PTPRD: variants seen among roughly 807,000 people sequenced by gnomAD.
The protein encoded by PTPRD is protein tyrosine phosphatase receptor type D.
Under a neutral mutation model 214.5 loss-of-function variants are expected in PTPRD, and 34 were observed. The ratio of observed to expected loss-of-function variants is 0.16; its 90% CI spans 0.12 to 0.21. The LOEUF is 0.21. Ranked by LOEUF, PTPRD falls within the 10% of genes least tolerant of loss-of-function variation. The pLI, the probability that PTPRD is intolerant of heterozygous loss-of-function variation, is 1.00. For synonymous variants in PTPRD, 1,128 were observed against 845.7 expected, an observed-to-expected ratio of 1.33 and a Z score of -5.79; for missense variants, 2,545 against 2,398.7, an observed-to-expected ratio of 1.06 and a Z score of -1.27.
intron 27 of PTPRD, among the ~76,000 whole-genome samples, chr9:8,488,313 T>C (rs2097076611): frequency 6.6e-6 from 1 of 152,258 alleles, no homozygotes; most frequent in African/African-American, 2.4e-5. Flanking sequence ...TTGTTTCACA[T>C]GCTGGGAAGA....
intron 2 of PTPRD, among the ~76,000 whole-genome samples, chr9:10,602,753 C>T (rs1341067218): frequency 1.3e-5 from 2 of 151,836 alleles, no homozygotes; most frequent in Non-Finnish European, 2.9e-5. Flanking sequence ...TTTTCTGCTT[C>T]CTACTCATTT....
intron 11 of PTPRD, among the ~76,000 whole-genome samples, chr9:8,998,031 T>G (rs1303627578): frequency 3.3e-5 from 5 of 151,966 alleles, no homozygotes; most frequent in Non-Finnish European, 5.9e-5. Context: ...CTAGCAGAAG[T>G]TGGTTCATGA....
At chr9:8,948,849 A>T (rs1016158212) in intron 11 of PTPRD, among the ~76,000 whole-genome samples, 15 of 151,688 alleles carry the variant, frequency 9.9e-5, no homozygotes, top group Admixed American at 7.3e-4. Context: ...ATGTGATAGA[A>T]GTAATTTAGG....
intron 2 of PTPRD, among the ~76,000 whole-genome samples, chr9:10,364,204 C>T (rs903795868): frequency 6.6e-6 from 1 of 151,478 alleles, no homozygotes; most frequent in Admixed American, 6.6e-5. Flanking sequence ...GGTTTCACCG[C>T]GTTAGCCAGG....
intron 11 of PTPRD, among the ~76,000 whole-genome samples, chr9:8,896,771 G>T (rs2098616767): frequency 6.6e-6 from 1 of 152,138 alleles, no homozygotes; most frequent in African/African-American, 2.4e-5. Flanking sequence ...CAGTGCTAAA[G>T]CTTCCCACAG....
At chr9:9,600,730 A>G (rs1030456830) in intron 7 of PTPRD, among the ~76,000 whole-genome samples, 2 of 152,128 alleles carry the variant, frequency 1.3e-5, no homozygotes, top group Admixed American at 1.3e-4. Flanking sequence ...AATAACAATT[A>G]TAACAGAACC....
At chr9:9,840,188 C>T (rs771418340) in intron 5 of PTPRD, among the ~76,000 whole-genome samples, 1 of 152,034 alleles carries the variant, frequency 6.6e-6, no homozygotes, top group Non-Finnish European at 1.5e-5. Context: ...CAGGCACTCA[C>T]CACCACGCCC....
chr9:8,450,458 C>T (rs2095893723), intron 33 of PTPRD, among the ~76,000 whole-genome samples: 1 of 152,130 alleles, frequency 6.6e-6, no homozygotes, highest in African/African-American at 2.4e-5. Context: ...ACAGTGTTAG[C>T]TCTTAACAGT....
intron 9 of PTPRD, among the ~76,000 whole-genome samples, chr9:9,350,608 T>C (rs10977673): frequency 6.6e-6 from 1 of 151,922 alleles, no homozygotes; most frequent in Admixed American, 6.6e-5. Context: ...CATAAATATC[T>C]TTGGTGATGT....
intron 10 of PTPRD, among the ~76,000 whole-genome samples, chr9:9,070,045 G>C (rs2099741529): frequency 6.6e-6 from 1 of 152,116 alleles, no homozygotes; most frequent in Non-Finnish European, 1.5e-5. Flanking sequence ...TTCCTCTATG[G>C]ACAAAGTCCT....
chr9:9,891,946 T>C (rs1266788710), intron 5 of PTPRD, among the ~76,000 whole-genome samples: 1 of 152,156 alleles, frequency 6.6e-6, no homozygotes, highest in African/African-American at 2.4e-5. Flanking sequence ...TTTTACTATT[T>C]ATCACCATGT....
At chr9:9,788,952 G>A (rs1428360195) in intron 5 of PTPRD, among the ~76,000 whole-genome samples, 1 of 152,042 alleles carries the variant, frequency 6.6e-6, no homozygotes, top group Non-Finnish European at 1.5e-5. Context: ...CAAGTTTCCG[G>A]TGCCTCTCTA....
chr9:9,911,049 G>A (rs529113456), intron 5 of PTPRD, among the ~76,000 whole-genome samples: 1 of 151,782 alleles, frequency 6.6e-6, no homozygotes, highest in Non-Finnish European at 1.5e-5. Context: ...TTGATAGTTT[G>A]TTCTTCCATT....
In PTPRD at chr9:8,719,847, T is replaced by TA. The variant is rs1052877142; in HGVS notation, c.64+13932dup. On this transcript the variant is annotated intron_variant, in intron 12 of 45. Transcript: ENST00000381196. ...TGTATATCAATGTGTTCATTTACTC[T>TA]AAAAAAAAGAAAAAGAAAAAAAAAA... is the stretch of plus-strand genomic sequence containing the variant. Among the ~76,000 whole-genome samples the TA allele has an allele frequency of 3.2e-4, 48 of 149,158 alleles. No homozygotes were observed. In the South Asian group the frequency reaches 8.0e-3, roughly 25 times the overall value.
At chr9:8,540,481 C>A (rs146784099) in intron 14 of PTPRD, among the ~76,000 whole-genome samples, 1 of 152,126 alleles carries the variant, frequency 6.6e-6, no homozygotes, top group African/African-American at 2.4e-5. Context: ...GAGCAAGGTG[C>A]AAGCTCATGA....
At chr9:9,117,527 C>T (rs907756805) in intron 10 of PTPRD, among the ~76,000 whole-genome samples, 3 of 151,962 alleles carry the variant, frequency 2.0e-5, no homozygotes, top group Non-Finnish European at 4.4e-5. Flanking sequence ...TTGGACACTC[C>T]AAATGTAAAG....
intron 10 of PTPRD, among the ~76,000 whole-genome samples, chr9:9,108,310 G>A (rs1331949447): frequency 6.6e-6 from 1 of 152,128 alleles, no homozygotes; most frequent in Non-Finnish European, 1.5e-5. Flanking sequence ...AAGGGGTGAA[G>A]ATACATTGTA....
intron 12 of PTPRD, among the ~76,000 whole-genome samples, chr9:8,702,436 T>C (rs747273491): frequency 3.3e-5 from 5 of 152,166 alleles, no homozygotes; most frequent in Admixed American, 1.3e-4. Flanking sequence ...GATTACCTAC[T>C]ACGTGAGTTC....
intron 11 of PTPRD, chr9:8,962,665 T>C (rs181848938): frequency 2.0e-5 from 3 of 152,096 alleles, no homozygotes. Flanking sequence ...GAATGTGGGG[T>C]ACTAAAATTA....
Sources: allele counts gnomAD v4.1 joint callset (sites outside exome capture counted in the v4.1 genomes callset), GRCh38; gene constraint gnomAD v4.1.1; transcripts MANE v1.5; gene names NCBI Gene and HGNC (gene_info 2026-07-23, HGNC 2026-07-21).